DCAF1: variants seen among roughly 807,000 people sequenced by gnomAD.
DCAF1 encodes the protein DDB1- and CUL4-associated factor 1.
DCAF1 carries 15 observed loss-of-function variants against 128.0 expected under a neutral mutation model. The ratio of observed to expected loss-of-function variants is 0.12; its 90% CI spans 0.08 to 0.18. The LOEUF (loss-of-function observed/expected upper bound fraction) is 0.18. Ranked by LOEUF, DCAF1 falls within the 10% of genes least tolerant of loss-of-function variation. The pLI is 1.00. For missense variants in DCAF1, 988 were observed against 1,649.5 expected (o/e 0.60, Z 6.95); for synonymous variants, 610 against 603.0 (o/e 1.01, Z -0.17).
At chr3:51,471,727 C>T (rs1434706651) in intron 3 of DCAF1, among the ~76,000 whole-genome samples, 2 of 151,838 alleles carry the variant, frequency 1.3e-5, no homozygotes, top group Non-Finnish European at 2.9e-5. Flanking sequence ...ATTAGCTGGG[C>T]GTGGTGGCAC....
upstream of DCAF1, among the ~76,000 whole-genome samples, chr3:51,502,685 G>C (rs1178419774): frequency 1.3e-5 from 2 of 151,974 alleles, no homozygotes; most frequent in Non-Finnish European, 2.9e-5. Flanking sequence ...GGGAAGCAGG[G>C]GAGGAGACAA....
chr3:51,426,743 G>T (rs1362462525), intron 13 of DCAF1, among the ~76,000 whole-genome samples: 1 of 152,022 alleles, frequency 6.6e-6, no homozygotes, highest in African/African-American at 2.4e-5. Flanking sequence ...TTATCTTTAT[G>T]GCAGTGAGTG....
chr3:51,418,578 T>A (rs1699107468), intron 16 of DCAF1, 100 bp downstream of exon 16: 3 of 1,498,174 alleles, frequency 2.0e-6, no homozygotes, highest in Non-Finnish European at 2.7e-6. Flanking sequence ...TGAGGACTCA[T>A]TTAAAAGAGA....
chr3:51,412,847 C>A lies in DCAF1; in HGVS notation c.4110+146G>T. On this transcript the variant is annotated intron_variant, in intron 22 of 24. Coordinates refer to ENST00000684031, the MANE Select transcript of DCAF1 (RefSeq NM_001387579.1). ...TCTTTGTACTGTACATCTCCCAAGC[C>A]CCATCAAATGAATAGGTTATCAATA... 3 of 1,256,708 alleles carry A rather than the reference C, an allele frequency of 2.4e-6. No individual in the cohort carries two copies. In the East Asian group the frequency reaches 7.7e-5, roughly 32 times the overall value. The allele number at this position is 1,256,708 out of a possible 1,614,324, so 77.8% of individuals were successfully genotyped here. A position where few individuals can be genotyped will look rare whatever the true frequency, so the allele number is the denominator to read the frequency against.
intron 3 of DCAF1, among the ~76,000 whole-genome samples, chr3:51,473,257 T>C (rs1369536801): frequency 1.4e-5 from 2 of 144,950 alleles, no homozygotes; most frequent in African/African-American, 2.6e-5. Context: ...AGCAAAACTC[T>C]ATCTCAAAAA....
chr3:51,456,961 A>G (rs1255006365), intron 6 of DCAF1, among the ~76,000 whole-genome samples: 1 of 152,138 alleles, frequency 6.6e-6, no homozygotes, highest in South Asian at 2.1e-4. Flanking sequence ...CAAAGATGGG[A>G]AAAAAACAGA....
chr3:51,498,151 A>T (rs7372658), intron 1 of DCAF1, among the ~76,000 whole-genome samples: 1 of 149,316 alleles, frequency 6.7e-6, no homozygotes, highest in Non-Finnish European at 1.5e-5. Context: ...CACGAGGACA[A>T]GAGCTTGAGA....
intron 6 of DCAF1, among the ~76,000 whole-genome samples, chr3:51,452,625 C>T (rs1553641749): frequency 6.6e-6 from 1 of 152,194 alleles, no homozygotes; most frequent in Non-Finnish European, 1.5e-5. Flanking sequence ...AGGGCACTCA[C>T]TTCTTTCTAG....
At chr3:51,416,686 T>C in intron 18 of DCAF1, 101 bp downstream of exon 18, 6 of 1,492,304 alleles carry the variant, frequency 4.0e-6, no homozygotes, top group South Asian at 1.2e-5. Flanking sequence ...CACTGATTTC[T>C]AGTTGCCCAA....
chr3:51,503,929 G>A (rs1470062563), upstream of DCAF1, among the ~76,000 whole-genome samples: 2 of 152,160 alleles, frequency 1.3e-5, no homozygotes, highest in Admixed American at 1.3e-4. Context: ...AGCCTCTTTT[G>A]CCTCAGGTTC....
chr3:51,431,797 C>CG (rs1559503804), intron 10 of DCAF1, among the ~76,000 whole-genome samples: 4 of 134,874 alleles, frequency 3.0e-5, no homozygotes. Context: ...ACAAAAAGTA[C>CG]AAAAAAAAAA....
At chr3:51,410,949 G>C (rs1553628257) in intron 23 of DCAF1, among the ~76,000 whole-genome samples, 1 of 152,254 alleles carries the variant, frequency 6.6e-6, no homozygotes, top group East Asian at 1.9e-4. Flanking sequence ...CCTGAGGTCA[G>C]GAGTTCCAGA....
rs1553638448 is a variant in DCAF1 at position 51,440,966 on chromosome 3, T to G, written c.1128+4A>C. Reference sequence around the variant, plus strand: ...CGGTGACCCAATATTTTTAAGAACTTTACCTTTAGTGCCTCAAATGTAAGC... The same window carrying G: ...CGGTGACCCAATATTTTTAAGAACTGTACCTTTAGTGCCTCAAATGTAAGC... On this transcript the variant is annotated splice_donor_region_variant and intron_variant, in intron 9 of 24. Coordinates refer to ENST00000684031, the MANE Select transcript of DCAF1 (RefSeq NM_001387579.1). 2.5e-6 allele frequency: 4 copies of G among 1,606,140 alleles called. No homozygotes were observed. The highest frequency in any genetic ancestry group is 1.1e-5 in the South Asian group (1 of 88,784).
At chr3:51,478,645 ATTCT>A (rs1705776634) in intron 3 of DCAF1, among the ~76,000 whole-genome samples, 1 of 152,000 alleles carries the variant, frequency 6.6e-6, no homozygotes, top group Non-Finnish European at 1.5e-5. Context: ...GTGTTTAATT[ATTCT>A]TTTTTTGTTT....
At chr3:51,498,049 C>CAAAAAAAAAAAAAA (rs56734063) in intron 1 of DCAF1, among the ~76,000 whole-genome samples, 1 of 20,810 alleles carries the variant, frequency 4.8e-5, no homozygotes, top group Non-Finnish European at 8.8e-5. Flanking sequence ...GACTCTGTCT[C>CAAAAAAAAAAAAAA]AAAAAAAAAA....
At chr3:51,498,253 C>T (rs1290309782) in intron 1 of DCAF1, among the ~76,000 whole-genome samples, 1 of 133,010 alleles carries the variant, frequency 7.5e-6, no homozygotes, top group East Asian at 2.4e-4. Context: ...CCAGCTACTC[C>T]GGAGGCTGAG....
chr3:51,431,327 A>G (rs1577122292), intron 10 of DCAF1, among the ~76,000 whole-genome samples: 2 of 151,290 alleles, frequency 1.3e-5, no homozygotes, highest in South Asian at 4.2e-4. Context: ...GGACCAGCCT[A>G]GCCAACATGG....
At chr3:51,453,286 G>A (rs575426077) in intron 6 of DCAF1, among the ~76,000 whole-genome samples, 1 of 152,192 alleles carries the variant, frequency 6.6e-6, no homozygotes, top group East Asian at 1.9e-4. Flanking sequence ...TTTCTTAAAA[G>A]CTAAATAAGA....
At chr3:51,480,346 C>T (rs1177893688) in intron 3 of DCAF1, among the ~76,000 whole-genome samples, 1 of 151,926 alleles carries the variant, frequency 6.6e-6, no homozygotes, top group Non-Finnish European at 1.5e-5. Flanking sequence ...CTTGTAATCC[C>T]AGCACTTTGG....
Sources: allele counts gnomAD v4.1 joint callset (sites outside exome capture counted in the v4.1 genomes callset), GRCh38; gene constraint gnomAD v4.1.1; transcripts MANE v1.5; gene names NCBI Gene and HGNC (gene_info 2026-07-23, HGNC 2026-07-21).